The following RALGAPA2 variants were observed in gnomAD, a reference collection of about 807,000 sequenced individuals.
RALGAPA2 encodes ral GTPase-activating protein subunit alpha-2.
Under a neutral mutation model 230.4 loss-of-function variants are expected in RALGAPA2, and 139 were observed. That is an observed-to-expected ratio of 0.60 (90% confidence interval 0.53 to 0.69). The LOEUF (loss-of-function observed/expected upper bound fraction) is 0.69, where lower values mean the gene tolerates loss of function less well. RALGAPA2 is among the 30% of genes least tolerant of loss of function. The pLI is 0.00. For missense variants in RALGAPA2, 2,163 were observed against 2,276.0 expected, an observed-to-expected ratio of 0.95 and a Z score of 1.01; for synonymous variants, 847 against 837.8, an observed-to-expected ratio of 1.01 and a Z score of -0.19.
At chr20:20,468,854 A>T (rs886847492) in intron 37 of RALGAPA2, among the ~76,000 whole-genome samples, 1 of 151,732 alleles carries the variant, frequency 6.6e-6, no homozygotes, top group African/African-American at 2.4e-5. Context: ...TATCCAATCC[A>T]TCATCCCTGC....
intron 23 of RALGAPA2, among the ~76,000 whole-genome samples, chr20:20,566,687 C>G (rs1568586756): frequency 6.6e-6 from 1 of 152,146 alleles, no homozygotes; most frequent in Non-Finnish European, 1.5e-5. Context: ...GAGGTAGGCA[C>G]TATTATTATC....
At chr20:20,406,987 G>C (rs1259192011) in intron 38 of RALGAPA2, among the ~76,000 whole-genome samples, 1 of 152,192 alleles carries the variant, frequency 6.6e-6, no homozygotes, top group Non-Finnish European at 1.5e-5. Context: ...GGTAGCTACG[G>C]CTCTGATTAT....
intron 23 of RALGAPA2, among the ~76,000 whole-genome samples, chr20:20,562,904 C>T (rs552491269): frequency 1.5e-4 from 23 of 152,198 alleles, no homozygotes; most frequent in Admixed American, 8.5e-4. Flanking sequence ...GTCTTTATGG[C>T]GATTGATAGC....
At chr20:20,633,562 A>G (rs994696539) in intron 9 of RALGAPA2, among the ~76,000 whole-genome samples, 1 of 152,168 alleles carries the variant, frequency 6.6e-6, no homozygotes, top group Non-Finnish European at 1.5e-5. Context: ...ATCTCCGCTC[A>G]GTGCAAGCTC....
chr20:20,524,677 T>C (rs1165951317), intron 29 of RALGAPA2, 134 bp from the exon 30 acceptor site: 19 of 1,315,044 alleles, frequency 1.4e-5, no homozygotes, highest in Admixed American at 2.6e-5. Flanking sequence ...AGTAAATAAA[T>C]AAATAAATAA....
chr20:20,514,306 G>A (rs2062807399), intron 31 of RALGAPA2, among the ~76,000 whole-genome samples: 1 of 151,934 alleles, frequency 6.6e-6, no homozygotes, highest in Non-Finnish European at 1.5e-5. Flanking sequence ...CTGCTCACCC[G>A]GACTGGTAGT....
At chr20:20,421,239 T>C (rs1250886995) in intron 37 of RALGAPA2, among the ~76,000 whole-genome samples, 5 of 152,122 alleles carry the variant, frequency 3.3e-5, no homozygotes, top group Non-Finnish European at 5.9e-5. Context: ...GAAATGGAAA[T>C]GAAAACTATA....
At chr20:20,521,167 ACT>A (rs2063028765) in intron 30 of RALGAPA2, 67 bp from the exon 31 acceptor site, 1 of 1,381,138 alleles carries the variant, frequency 7.2e-7, no homozygotes, top group Non-Finnish European at 9.9e-7. Context: ...AATCTGTCAA[ACT>A]ACTGCAGCAC....
At chr20:20,416,037 T>C (rs988778245) in intron 37 of RALGAPA2, among the ~76,000 whole-genome samples, 1 of 152,180 alleles carries the variant, frequency 6.6e-6, no homozygotes, top group East Asian at 1.9e-4. Context: ...GATGTCCCCA[T>C]TTTACATGTG....
At chr20:20,699,517 A>T (rs370606695) in intron 1 of RALGAPA2, among the ~76,000 whole-genome samples, 3 of 152,210 alleles carry the variant, frequency 2.0e-5, no homozygotes, top group African/African-American at 7.2e-5. Flanking sequence ...AAACACGGTA[A>T]TCCCTAACAG....
intron 37 of RALGAPA2, among the ~76,000 whole-genome samples, chr20:20,464,073 C>G (rs1331527655): frequency 6.6e-6 from 1 of 152,152 alleles, no homozygotes; most frequent in African/African-American, 2.4e-5. Context: ...GAGGACGAAG[C>G]GCCAGGAGGC....
At chr20:20,669,348 G>C (rs905019560) in intron 3 of RALGAPA2, among the ~76,000 whole-genome samples, 1 of 152,158 alleles carries the variant, frequency 6.6e-6, no homozygotes, top group Non-Finnish European at 1.5e-5. Context: ...TTCTTGATGT[G>C]CTGACATCTG....
intron 1 of RALGAPA2, among the ~76,000 whole-genome samples, chr20:20,706,502 A>C (rs1460939844): frequency 2.0e-5 from 3 of 152,182 alleles, no homozygotes; most frequent in Admixed American, 2.0e-4. Context: ...CCACGCAAAT[A>C]TTTATCACCT....
intron 10 of RALGAPA2, among the ~76,000 whole-genome samples, chr20:20,624,476 T>C (rs1603105366): frequency 6.6e-6 from 1 of 152,118 alleles, no homozygotes; most frequent in East Asian, 1.9e-4. Context: ...TTTAGAACTA[T>C]GGAACAGGAT....
At chr20:20,595,522 TCCAA>T (rs2065424837) in intron 16 of RALGAPA2, among the ~76,000 whole-genome samples, 4 of 152,154 alleles carry the variant, frequency 2.6e-5, no homozygotes, top group African/African-American at 7.2e-5. Flanking sequence ...GCCATACCAT[TCCAA>T]TATGCTTTTT....
rs147349651 is a variant in RALGAPA2 at position 20,519,203 on chromosome 20, C to T, written c.4084+1714G>A. Among the ~76,000 whole-genome samples the T allele has an allele frequency of 7.3e-3, 1,111 of 152,282 alleles. 10 individuals are homozygous for T. Among genetic ancestry groups the T allele is most frequent in the African/African-American group, 0.026 (1,065 of 41,552 alleles). ...CCACCTCCCTTACTTCTGACTTGTACACACCCCTGGGAATATCCCTTAACC... is the reference window on the plus strand; with the variant it reads ...CCACCTCCCTTACTTCTGACTTGTATACACCCCTGGGAATATCCCTTAACC... On this transcript the variant is annotated intron_variant, in intron 31 of 39. Transcript: ENST00000202677.
intron 3 of RALGAPA2, among the ~76,000 whole-genome samples, chr20:20,655,514 G>A (rs1240422923): frequency 6.6e-6 from 1 of 152,080 alleles, no homozygotes; most frequent in Non-Finnish European, 1.5e-5. Flanking sequence ...ATGGGAGAAT[G>A]TTAGAAGGCC....
At chr20:20,534,629 C>T (rs1348251745) in intron 26 of RALGAPA2, among the ~76,000 whole-genome samples, 2 of 151,830 alleles carry the variant, frequency 1.3e-5, no homozygotes, top group Admixed American at 6.6e-5. Context: ...AGTGGTTAAT[C>T]TTCTCATCAA....
chr20:20,514,965 G>A (rs2145382176), intron 31 of RALGAPA2, among the ~76,000 whole-genome samples: 1 of 152,342 alleles, frequency 6.6e-6, no homozygotes, highest in East Asian at 1.9e-4. Context: ...CTGGGCACCT[G>A]ATCGCTGCCC....
Sources: allele counts gnomAD v4.1 joint callset (sites outside exome capture counted in the v4.1 genomes callset), GRCh38; gene constraint gnomAD v4.1.1; transcripts MANE v1.5; gene names NCBI Gene and HGNC (gene_info 2026-07-23, HGNC 2026-07-21).